The following CPED1 variants were observed in gnomAD, a reference collection of about 807,000 sequenced individuals.
The protein encoded by CPED1 is cadherin-like and PC-esterase domain-containing protein 1.
CPED1 carries 114 observed loss-of-function variants against 128.2 expected under a neutral mutation model. That is an observed-to-expected ratio of 0.89 (90% CI 0.76 to 1.04). The LOEUF is 1.04. Among genes scored for constraint, CPED1 ranks in the 50% least tolerant of loss-of-function variants. The probability of loss-of-function intolerance (pLI) is 0.00; values close to 1 mark genes in which losing one functional copy is unlikely to be tolerated. For synonymous variants in CPED1, 462 were observed against 426.7 expected (o/e 1.08, Z -1.02); for missense variants, 1,211 against 1,207.1 (o/e 1.00, Z -0.05).
rs141270829 is a variant in CPED1 at position 121,088,608 on chromosome 7, G to A, written c.617-9091G>A. ...CGGGAGGCAGAGGTTGCAGTGAGCC[G>A]AGATTGTCCCACTGCACTCCAGCCT... On this transcript the variant is annotated intron_variant, in intron 5 of 22. Transcript: ENST00000310396. 7.9e-5 allele frequency among the ~76,000 whole-genome samples: 12 copies of A among 151,110 alleles called. No individual in the cohort carries two copies. In the East Asian group the frequency reaches 2.3e-3, roughly 29 times the overall value.
intron 16 of CPED1, among the ~76,000 whole-genome samples, chr7:121,188,450 A>G (rs115941801): frequency 0.012 from 1,803 of 152,274 alleles, 37 homozygotes; most frequent in African/African-American, 0.04. Flanking sequence ...TTTAAAATGT[A>G]CAATTCAGTT....
At chr7:121,144,067 G>T (rs1216462275) in intron 16 of CPED1, among the ~76,000 whole-genome samples, 4 of 152,040 alleles carry the variant, frequency 2.6e-5, no homozygotes, top group African/African-American at 4.8e-5. Context: ...GGAGAAAAGA[G>T]AACCCTTGTA....
intron 5 of CPED1, among the ~76,000 whole-genome samples, chr7:121,077,305 G>T (rs1794154320): frequency 6.6e-6 from 1 of 152,024 alleles, no homozygotes; most frequent in African/African-American, 2.4e-5. Context: ...TAATGAAAAT[G>T]GAAGTCAAAT....
At chr7:121,165,755 A>T (rs1377780521) in intron 16 of CPED1, among the ~76,000 whole-genome samples, 8 of 152,082 alleles carry the variant, frequency 5.3e-5, no homozygotes, top group African/African-American at 1.2e-4. Context: ...GTTGGGGGAG[A>T]GGTAAAATTT....
intron 16 of CPED1, among the ~76,000 whole-genome samples, chr7:121,206,449 GAT>G (rs5887023): frequency 0.37 from 56,394 of 151,554 alleles, 10,817 homozygotes; most frequent in Middle Eastern, 0.51. Flanking sequence ...ACATTTCTAA[GAT>G]ATAAAACAGC....
chr7:121,176,593 A>G (rs12531485), intron 16 of CPED1, among the ~76,000 whole-genome samples: 59 of 152,218 alleles, frequency 3.9e-4, no homozygotes, highest in Admixed American at 7.9e-4. Flanking sequence ...AAGGAGTCAA[A>G]TATGTCCACA....
chr7:121,002,449 G>C (rs1467178907), intron 2 of CPED1, among the ~76,000 whole-genome samples: 2 of 152,244 alleles, frequency 1.3e-5, no homozygotes, highest in East Asian at 3.9e-4. Context: ...TCCCCTCTCT[G>C]TTATTATCTT....
At chr7:121,035,864 A>G (rs1313968104) in intron 3 of CPED1, among the ~76,000 whole-genome samples, 2 of 151,946 alleles carry the variant, frequency 1.3e-5, no homozygotes, top group African/African-American at 2.4e-5. Flanking sequence ...AAAAATAAAT[A>G]AAAAGGAGGA....
intron 3 of CPED1, among the ~76,000 whole-genome samples, chr7:121,033,046 C>T (rs1792777698): frequency 6.6e-6 from 1 of 152,184 alleles, no homozygotes; most frequent in African/African-American, 2.4e-5. Flanking sequence ...GTACCTTCCT[C>T]CATCATATTT....
At chr7:121,229,734 G>A (rs879888870) in intron 16 of CPED1, among the ~76,000 whole-genome samples, 2 of 151,914 alleles carry the variant, frequency 1.3e-5, no homozygotes, top group Non-Finnish European at 2.9e-5. Flanking sequence ...CACAATATTT[G>A]TGCATCTTAT....
chr7:121,291,173 G>C (rs983729780), intron 22 of CPED1, among the ~76,000 whole-genome samples: 2 of 152,098 alleles, frequency 1.3e-5, no homozygotes, highest in Admixed American at 6.5e-5. Context: ...TATCTGTTTT[G>C]GTACCAGTAC....
intron 16 of CPED1, among the ~76,000 whole-genome samples, chr7:121,157,240 C>A (rs147165153): frequency 4.9e-4 from 74 of 152,172 alleles, no homozygotes; most frequent in African/African-American, 1.8e-3. Context: ...TCATTAATTT[C>A]TAGTGCGTGT....
At chr7:121,017,392 C>T (rs374991655) in intron 3 of CPED1, among the ~76,000 whole-genome samples, 51 of 152,126 alleles carry the variant, frequency 3.4e-4, no homozygotes, top group South Asian at 1.7e-3. Context: ...TCCTGGGATA[C>T]CCATAAATGA....
intron 16 of CPED1, chr7:121,149,501 T>C (rs1216053235): frequency 1.3e-5 from 2 of 152,172 alleles, no homozygotes; most frequent in East Asian, 3.9e-4. Context: ...CTCCACACAT[T>C]TGTTTTGCAT....
Position 121,054,903 on chromosome 7 carries a change from T to C in CPED1, c.540+7910T>C, listed in dbSNP as rs139693367. Among the ~76,000 whole-genome samples the C allele has an allele frequency of 7.6e-3, 1,165 of 152,344 alleles. 18 individuals are homozygous for C. The highest frequency in any genetic ancestry group is 0.027 in the African/African-American group (1,118 of 41,570). Reference sequence around the variant, plus strand: ...TCCCTATTGTTTTTTTGTTTTGTTTTTGTTTTCTGTTTGTTTGTTTTAAAT... The same window carrying C: ...TCCCTATTGTTTTTTTGTTTTGTTTCTGTTTTCTGTTTGTTTGTTTTAAAT... On this transcript the variant is annotated intron_variant, in intron 4 of 22. Coordinates refer to ENST00000310396, the MANE Select transcript of CPED1 (RefSeq NM_024913.5).
At chr7:121,139,258 T>C (rs1249287405) in intron 14 of CPED1, among the ~76,000 whole-genome samples, 1 of 152,074 alleles carries the variant, frequency 6.6e-6, no homozygotes, top group Non-Finnish European at 1.5e-5. Context: ...ACTAGTAGTT[T>C]ATTTTTTATT....
chr7:121,260,221 G>A (rs566992829), intron 18 of CPED1, among the ~76,000 whole-genome samples: 1 of 112,300 alleles, frequency 8.9e-6, no homozygotes, highest in Admixed American at 1.0e-4. Context: ...TGCTTGCTTC[G>A]CGTTTTTTTT....
At chr7:121,082,897 A>G (rs1295068569) in intron 5 of CPED1, among the ~76,000 whole-genome samples, 1 of 152,206 alleles carries the variant, frequency 6.6e-6, no homozygotes, top group East Asian at 1.9e-4. Flanking sequence ...CTATTCTATT[A>G]TTATTTATTA....
At chr7:121,251,013 A>G (rs1798660083) in intron 18 of CPED1, among the ~76,000 whole-genome samples, 1 of 152,216 alleles carries the variant, frequency 6.6e-6, no homozygotes, top group Non-Finnish European at 1.5e-5. Context: ...ACACAACAAA[A>G]AAAGAGAATT....
Sources: allele counts gnomAD v4.1 joint callset (sites outside exome capture counted in the v4.1 genomes callset), GRCh38; gene constraint gnomAD v4.1.1; transcripts MANE v1.5; gene names NCBI Gene and HGNC (gene_info 2026-07-23, HGNC 2026-07-21).